SNX25: variants seen among roughly 807,000 people sequenced by gnomAD.
SNX25 encodes the protein sorting nexin-25.
SNX25 carries 62 observed loss-of-function variants against 113.7 expected under a neutral mutation model. The observed-to-expected ratio is 0.55, with a 90% confidence interval of 0.44 to 0.67. The LOEUF is 0.67. Among genes scored for constraint, SNX25 ranks in the 30% least tolerant of loss-of-function variants. SNX25 has a pLI of 0.00. For missense variants in SNX25, 1,014 were observed against 1,161.0 expected (o/e 0.87, Z 1.84); for synonymous variants, 421 against 436.2 (o/e 0.97, Z 0.43).
At chr4:185,292,663 A>G (rs1381101560) in intron 6 of SNX25, among the ~76,000 whole-genome samples, 1 of 152,156 alleles carries the variant, frequency 6.6e-6, no homozygotes, top group Admixed American at 6.5e-5. Flanking sequence ...TCAGCCTCCC[A>G]AAGTGCTGGG....
At position 185,313,325 on chromosome 4, in the gene SNX25, A is replaced by G. The variant is rs79698500; in HGVS notation, c.1344+2509A>G. 3.0e-3 allele frequency among the ~76,000 whole-genome samples: 452 copies of G among 152,358 alleles called. 8 individuals are homozygous for G. The highest frequency in any genetic ancestry group is 0.01 in the African/African-American group (433 of 41,602). ...CAGGAAGTAGAACCAGAGATGAAGA[A>G]CCTTTCATTATGATAAAGGAGTCAG... On this transcript the variant is annotated intron_variant, in intron 7 of 18. Transcript: ENST00000652585.
chr4:185,346,150 C>T (rs575258250), intron 12 of SNX25, among the ~76,000 whole-genome samples: 95 of 152,338 alleles, frequency 6.2e-4, no homozygotes, highest in East Asian at 5.8e-4. Flanking sequence ...TGAGCCACCA[C>T]GCCCGGCCAT....
intron 5 of SNX25, among the ~76,000 whole-genome samples, chr4:185,277,716 T>A (rs60699856): frequency 9.1e-5 from 5 of 54,994 alleles, no homozygotes; most frequent in African/African-American, 2.4e-4. Flanking sequence ...TGAGTACTTA[T>A]TACCTTTTTT....
intron 1 of SNX25, among the ~76,000 whole-genome samples, chr4:185,224,450 T>TACAA (rs1553984355): frequency 5.4e-5 from 1 of 18,514 alleles, no homozygotes; most frequent in Admixed American, 6.4e-4. Flanking sequence ...TATATAAATA[T>TACAA]ATATATAGAT....
chr4:185,339,567 A>C, intron 11 of SNX25, 57 bp downstream of exon 11: 1 of 1,572,868 alleles, frequency 6.4e-7, no homozygotes, highest in Non-Finnish European at 8.6e-7. Context: ...TTATTAAAAA[A>C]GATTTTATCC....
intron 6 of SNX25, among the ~76,000 whole-genome samples, chr4:185,300,840 G>GGCACACACACAC (rs145035234): frequency 7.1e-6 from 1 of 140,684 alleles, no homozygotes; most frequent in Admixed American, 7.3e-5. Flanking sequence ...TGATTATTAT[G>GGCACACACACAC]ACACACACAC....
intron 9 of SNX25, among the ~76,000 whole-genome samples, chr4:185,330,556 G>T (rs2126703504): frequency 6.6e-6 from 1 of 152,318 alleles, no homozygotes; most frequent in Middle Eastern, 3.4e-3. Context: ...GATAGCTCCA[G>T]TTACCACCTC....
In SNX25 at chr4:185,342,084, G is replaced by A. The variant is rs773285452; in HGVS notation, c.2155G>A (p.Glu719Lys). Residue 719 changes from glutamate (E) to lysine (K), a missense_variant, in exon 12 of 19, where the codon GAG (glutamate) becomes AAG (lysine). By Grantham distance (56) the Glu-to-Lys change is moderately conservative. Transcript: ENST00000652585. ...KNWTVPRRLS[E>K]FQNLHRKLSE... ...CTGGACGGTCCCCAGAAGGCTCAGC[G>A]AGTTTCAGAATTTACACCGGAAACT... 2 of 1,605,812 alleles carry A rather than the reference G, an allele frequency of 1.2e-6. No individual in the cohort carries two copies. Among genetic ancestry groups the A allele is most frequent in the Admixed American group, 1.7e-5 (1 of 58,572 alleles).
chr4:185,338,276 G>GTTTTTTTTTTTTTTTTTTTTTTTT (rs550870942), intron 10 of SNX25, among the ~76,000 whole-genome samples: 1 of 140,374 alleles, frequency 7.1e-6, no homozygotes, highest in Non-Finnish European at 1.5e-5. Flanking sequence ...TATATTCTGT[G>GTTTTTTTTTTTTTTTTTTTTTTTT]TGTTTTTTTT....
chr4:185,358,473 G>C (rs1376341174), intron 16 of SNX25, among the ~76,000 whole-genome samples: 1 of 152,168 alleles, frequency 6.6e-6, no homozygotes, highest in Non-Finnish European at 1.5e-5. Context: ...AGAAATTATT[G>C]GAATTTTTCA....
At chr4:185,240,609 G>A (rs1453942779) in intron 1 of SNX25, among the ~76,000 whole-genome samples, 10 of 150,198 alleles carry the variant, frequency 6.7e-5, no homozygotes, top group East Asian at 2.0e-4. Flanking sequence ...GGGCAGAGGC[G>A]CCCCTCACCT....
intron 10 of SNX25, among the ~76,000 whole-genome samples, chr4:185,339,117 T>G (rs906520868): frequency 6.6e-6 from 1 of 152,210 alleles, no homozygotes; most frequent in Non-Finnish European, 1.5e-5. Flanking sequence ...TTTCCAGATA[T>G]TTGTCTTCTT....
Position 185,217,969 on chromosome 4 carries a change from T to C in SNX25, c.429+7714T>C, listed in dbSNP as rs150380933. On this transcript the variant is annotated intron_variant, in intron 1 of 18. Transcript: ENST00000652585. ...CTGTAGGTCACCTATGCCACCTAGGTTGCTTGGTTGAATGGGGATGACAGG... is the reference window on the plus strand; with the variant it reads ...CTGTAGGTCACCTATGCCACCTAGGCTGCTTGGTTGAATGGGGATGACAGG... Among the ~76,000 whole-genome samples the C allele has an allele frequency of 3.9e-3, 594 of 152,258 alleles. 4 individuals are homozygous for C. The highest frequency in any genetic ancestry group is 0.013 in the African/African-American group (552 of 41,546).
intron 2 of SNX25, among the ~76,000 whole-genome samples, chr4:185,251,970 C>CT (rs1024556011): frequency 7.5e-5 from 11 of 146,104 alleles, no homozygotes; most frequent in Non-Finnish European, 1.1e-4. Context: ...TTTTTTTTTT[C>CT]TTTTTTTTTA....
At chr4:185,369,919 C>T in exon 12 of SNX25, 1 of 293,860 alleles carries the variant, frequency 3.4e-6, no homozygotes, top group South Asian at 3.2e-5. Flanking sequence ...AGAAGACTCC[C>T]CCACTCAGGC....
At chr4:185,352,111 G>T (rs2095318393) in intron 14 of SNX25, among the ~76,000 whole-genome samples, 1 of 152,192 alleles carries the variant, frequency 6.6e-6, no homozygotes, top group African/African-American at 2.4e-5. Context: ...GGGATATTCT[G>T]AAGCAGGATG....
At chr4:185,350,633 C>T (rs558880594) in intron 13 of SNX25, among the ~76,000 whole-genome samples, 4 of 152,246 alleles carry the variant, frequency 2.6e-5, no homozygotes, top group East Asian at 1.9e-4. Context: ...GAGGCTGAGG[C>T]GGGCAGATCA....
intron 6 of SNX25, among the ~76,000 whole-genome samples, chr4:185,308,635 C>CAGA (rs1754820377): frequency 6.6e-6 from 1 of 152,168 alleles, no homozygotes; most frequent in Non-Finnish European, 1.5e-5. Flanking sequence ...ATGAGCGTCT[C>CAGA]CTTTGCTGCC....
In SNX25 at chr4:185,239,415, G is replaced by A. The variant is rs562072222; in HGVS notation, c.430-7879G>A. 1.4e-3 allele frequency among the ~76,000 whole-genome samples: 213 copies of A among 152,258 alleles called. 1 individual carries two copies. Among genetic ancestry groups the A allele is most frequent in the African/African-American group, 4.9e-3 (202 of 41,556 alleles). On this transcript the variant is annotated intron_variant, in intron 1 of 18. Coordinates refer to ENST00000652585, the MANE Select transcript of SNX25 (RefSeq NM_001378034.2). ...GGAGAATGGCTTGAACCCAGGACGCGGAGCTTGCAGTGAGCTGAGATCGCA... is the reference window on the plus strand; with the variant it reads ...GGAGAATGGCTTGAACCCAGGACGCAGAGCTTGCAGTGAGCTGAGATCGCA...
Sources: allele counts gnomAD v4.1 joint callset (sites outside exome capture counted in the v4.1 genomes callset), GRCh38; gene constraint gnomAD v4.1.1; transcripts MANE v1.5; gene names NCBI Gene and HGNC (gene_info 2026-07-23, HGNC 2026-07-21).